The following CADPS2 variants were observed in gnomAD, a reference collection of about 807,000 sequenced individuals.
CADPS2 encodes the protein calcium-dependent secretion activator 2.
Under a neutral mutation model 172.5 loss-of-function variants are expected in CADPS2, and 93 were observed. That is an observed-to-expected ratio of 0.54 (90% CI 0.46 to 0.64). The LOEUF (loss-of-function observed/expected upper bound fraction) is 0.64, where lower values mean the gene tolerates loss of function less well. Ranked by LOEUF, CADPS2 falls within the 30% of genes least tolerant of loss-of-function variation. CADPS2 has a pLI of 0.00. For synonymous variants in CADPS2, 546 were observed against 555.2 expected (o/e 0.98, Z 0.23); for missense variants, 1,420 against 1,565.9 (o/e 0.91, Z 1.57).
At chr7:122,728,263 A>T (rs1449707452) in intron 2 of CADPS2, among the ~76,000 whole-genome samples, 1 of 151,948 alleles carries the variant, frequency 6.6e-6, no homozygotes, top group Non-Finnish European at 1.5e-5. Flanking sequence ...AGGATAAAAA[A>T]GTAAGGTAAT....
intron 17 of CADPS2, chr7:122,422,165 T>C (rs2048598366): frequency 6.6e-6 from 1 of 151,958 alleles, no homozygotes; most frequent in African/African-American, 2.4e-5. Context: ...TACTATCTAG[T>C]GAAACAAGGG....
chr7:122,831,903 A>G (rs1330746423), intron 1 of CADPS2, among the ~76,000 whole-genome samples: 1 of 152,206 alleles, frequency 6.6e-6, no homozygotes, highest in Non-Finnish European at 1.5e-5. Context: ...CAATCTAGAG[A>G]GAAAAAAACT....
chr7:122,810,892 C>T (rs1292991256), intron 1 of CADPS2, among the ~76,000 whole-genome samples: 3 of 152,106 alleles, frequency 2.0e-5, no homozygotes, highest in African/African-American at 7.2e-5. Context: ...CCATGCCCAG[C>T]CTAAAAAAAT....
chr7:122,432,945 C>T (rs957948297), intron 17 of CADPS2, among the ~76,000 whole-genome samples: 4 of 151,568 alleles, frequency 2.6e-5, no homozygotes, highest in East Asian at 1.9e-4. Context: ...ACCTTGCTAC[C>T]AAATGCAAAT....
chr7:122,785,565 G>A (rs1407973070), intron 1 of CADPS2, among the ~76,000 whole-genome samples: 2 of 152,144 alleles, frequency 1.3e-5, no homozygotes, highest in Non-Finnish European at 1.5e-5. Context: ...AAAACGAGAA[G>A]CTATTTCCCC....
intron 2 of CADPS2, 133 bp from the exon 3 acceptor site, chr7:122,663,702 A>G: frequency 1.5e-6 from 1 of 685,850 alleles, no homozygotes; most frequent in Non-Finnish European, 2.4e-6. Context: ...ATGATTCAAA[A>G]TGTTTTATAA....
At chr7:122,745,370 C>T (rs946971752) in intron 1 of CADPS2, among the ~76,000 whole-genome samples, 1 of 151,706 alleles carries the variant, frequency 6.6e-6, no homozygotes, top group African/African-American at 2.4e-5. Context: ...CTTACTTAAC[C>T]TCGCATCTAG....
chr7:122,324,844 T>C (rs1456538004), intron 29 of CADPS2, among the ~76,000 whole-genome samples: 1 of 152,150 alleles, frequency 6.6e-6, no homozygotes, highest in African/African-American at 2.4e-5. Context: ...ATGCATAATA[T>C]ATTATTTTAT....
At position 122,773,619 on chromosome 7, in the gene CADPS2, A is replaced by G. The variant is rs187145349; in HGVS notation, c.340-36551T>C. ...GCTTCCTAAAAGAGCTGTAGGATTC[A>G]TACAAACTATTTTTATTTGTTTACA... is the stretch of plus-strand genomic sequence containing the variant. On this transcript the variant is annotated intron_variant, in intron 1 of 29. Transcript: ENST00000449022. Among the ~76,000 whole-genome samples, 254 of 151,324 alleles carry G rather than the reference A, an allele frequency of 1.7e-3. 2 individuals are homozygous for G. Among genetic ancestry groups the G allele is most frequent in the African/African-American group, 5.8e-3 (239 of 41,236 alleles).
At chr7:122,635,054 T>G (rs2076930470) in intron 3 of CADPS2, among the ~76,000 whole-genome samples, 1 of 152,160 alleles carries the variant, frequency 6.6e-6, no homozygotes, top group East Asian at 1.9e-4. Context: ...TATTGAGACT[T>G]GTGTTATCAC....
chr7:122,343,072 A>G (rs2037024284), intron 28 of CADPS2, among the ~76,000 whole-genome samples: 1 of 152,106 alleles, frequency 6.6e-6, no homozygotes. Flanking sequence ...TCATTTTCTA[A>G]CTGTAATTGA....
chr7:122,592,740 G>GAAAACC (rs947968379), intron 6 of CADPS2, among the ~76,000 whole-genome samples: 4 of 145,332 alleles, frequency 2.8e-5, no homozygotes, highest in African/African-American at 1.0e-4. Context: ...CACAAGGACA[G>GAAAACC]AAAACCAAAC....
chr7:122,637,511 T>A (rs2077198141), intron 3 of CADPS2, among the ~76,000 whole-genome samples: 1 of 152,204 alleles, frequency 6.6e-6, no homozygotes, highest in African/African-American at 2.4e-5. Context: ...TTCCAGAAGT[T>A]CAGTTGATTT....
chr7:122,732,836 C>T (rs1425095504), intron 2 of CADPS2, among the ~76,000 whole-genome samples: 3 of 140,404 alleles, frequency 2.1e-5, no homozygotes, highest in African/African-American at 5.3e-5. Flanking sequence ...ATATAATATA[C>T]ATTATATATG....
At position 122,388,632 on chromosome 7, in the gene CADPS2, G is replaced by A. The variant is rs1167189049; in HGVS notation, c.3115C>T (p.Gln1039Ter). The A allele has an allele frequency of 1.2e-6, 2 of 1,610,144 alleles. No individual in the cohort carries two copies. Among genetic ancestry groups the A allele is most frequent in the Non-Finnish European group, 1.7e-6 (2 of 1,177,656 alleles). The change falls in exon 23 of 30, where the codon CAA (glutamine) becomes TAA (stop). Residue 1039 changes from glutamine to a stop codon, truncating the protein, a stop_gained. Transcript: ENST00000449022. LOFTEE classifies it high-confidence loss of function. ...TCACTGGCCATTAGTTTAAGTCTTTGCTCTAAGTGGTGGGCAAATTCCTGT... is the reference window on the plus strand; with the variant it reads ...TCACTGGCCATTAGTTTAAGTCTTTACTCTAAGTGGTGGGCAAATTCCTGT... The part of the protein sequence containing the change: ...PEQEFAHHLE[Q>*]RLKLMASDML...
At chr7:122,570,563 G>T (rs555707633) in intron 7 of CADPS2, among the ~76,000 whole-genome samples, 226 of 148,126 alleles carry the variant, frequency 1.5e-3, no homozygotes, top group Non-Finnish European at 1.3e-3. Flanking sequence ...AAATCATGCT[G>T]CTATAAAGAC....
chr7:122,607,067 G>C (rs546811423), intron 6 of CADPS2, among the ~76,000 whole-genome samples: 1 of 151,992 alleles, frequency 6.6e-6, no homozygotes, highest in Non-Finnish European at 1.5e-5. Flanking sequence ...GACATTTCAC[G>C]CCTTCTTCCC....
intron 2 of CADPS2, among the ~76,000 whole-genome samples, chr7:122,696,385 T>C (rs778207884): frequency 7.2e-5 from 11 of 152,196 alleles, no homozygotes; most frequent in African/African-American, 2.7e-4. Flanking sequence ...TCTAAAGTTG[T>C]GTGTAAAAAA....
chr7:122,719,994 C>CT (rs2137043207), intron 2 of CADPS2, among the ~76,000 whole-genome samples: 1 of 152,170 alleles, frequency 6.6e-6, no homozygotes, highest in Admixed American at 6.6e-5. Context: ...AATGGAAACT[C>CT]TAATTATTAA....
Sources: allele counts gnomAD v4.1 joint callset (sites outside exome capture counted in the v4.1 genomes callset), GRCh38; gene constraint gnomAD v4.1.1; transcripts MANE v1.5; gene names NCBI Gene and HGNC (gene_info 2026-07-23, HGNC 2026-07-21).